Variants in DLC1 observed in about 807,000 individuals in gnomAD.
DLC1 encodes the protein DLC1 Rho GTPase activating protein.
A neutral mutation model predicts 140.3 loss-of-function variants in DLC1; 54 were observed. The observed-to-expected ratio is 0.38, with a 90% CI of 0.31 to 0.48. The LOEUF (loss-of-function observed/expected upper bound fraction) is 0.48, where lower values mean the gene tolerates loss of function less well. DLC1 is among the 20% of genes least tolerant of loss of function. The pLI is 0.96. For synonymous variants in DLC1, 986 were observed against 728.1 expected, an observed-to-expected ratio of 1.35 and a Z score of -5.70; for missense variants, 2,536 against 1,907.0, an observed-to-expected ratio of 1.33 and a Z score of -6.14.
intron 4 of DLC1, among the ~76,000 whole-genome samples, chr8:13,346,690 G>C (rs1416788510): frequency 6.6e-6 from 1 of 152,174 alleles, no homozygotes; most frequent in Non-Finnish European, 1.5e-5. Flanking sequence ...AAGTGACAGA[G>C]GGCTGGAGTG....
At chr8:13,545,838 G>C (rs13272591) in intron 1 of DLC1, among the ~76,000 whole-genome samples, 32,446 of 151,966 alleles carry the variant, frequency 0.21, 3,769 homozygotes, top group African/African-American at 0.24. Context: ...AGCAATTAAA[G>C]AATTTGGAAT....
intron 2 of DLC1, among the ~76,000 whole-genome samples, chr8:13,437,882 A>G (rs1389343628): frequency 1.3e-5 from 2 of 152,102 alleles, no homozygotes; most frequent in Non-Finnish European, 2.9e-5. Context: ...TTCTAAGCAG[A>G]GTTGTGGCTG....
At chr8:13,337,391 G>T (rs564844845) in intron 4 of DLC1, among the ~76,000 whole-genome samples, 1 of 152,190 alleles carries the variant, frequency 6.6e-6, no homozygotes, top group East Asian at 1.9e-4. Context: ...TTTACTAATT[G>T]CTACAAAAAA....
At chr8:13,183,751 C>T (rs1826176987) in intron 5 of DLC1, among the ~76,000 whole-genome samples, 1 of 152,132 alleles carries the variant, frequency 6.6e-6, no homozygotes. Context: ...CATCGATGTT[C>T]ATCAGGGATA....
intron 5 of DLC1, chr8:13,133,366 C>A: frequency 1.9e-6 from 2 of 1,035,134 alleles, no homozygotes; most frequent in Non-Finnish European, 2.4e-6. Context: ...CGGGCGGCAC[C>A]GCCTCCTCCC....
intron 4 of DLC1, among the ~76,000 whole-genome samples, chr8:13,348,316 C>G (rs983973867): frequency 6.6e-6 from 1 of 152,146 alleles, no homozygotes. Context: ...ATGGGGCAAG[C>G]GGTAAAAAAC....
At chr8:13,143,695 A>G (rs747067766) in intron 5 of DLC1, among the ~76,000 whole-genome samples, 1 of 151,470 alleles carries the variant, frequency 6.6e-6, no homozygotes, top group Non-Finnish European at 1.5e-5. Flanking sequence ...TCCAGGCCTG[A>G]GCCACCACAC....
intron 5 of DLC1, among the ~76,000 whole-genome samples, chr8:13,148,484 A>G (rs1460386704): frequency 6.6e-6 from 1 of 152,206 alleles, no homozygotes. Context: ...GTGGCTGCAT[A>G]GTATTCCATG....
rs113149778 is a variant in DLC1, at chr8:13,567,489, T to C, written c.-126+37048A>G. ...CTTCAGAGAGAGATGCCTTTAGTTG[T>C]ACTGTACCCGATGAACTTTTGAACA... On this transcript the variant is annotated intron_variant, in intron 1 of 1. Transcript: ENST00000631382. The C allele has an allele frequency of 5.7e-5, 88 of 1,552,066 alleles. 2 individuals carry two copies. Among genetic ancestry groups the C allele is most frequent in the Middle Eastern group, 5.0e-4 (3 of 5,994 alleles).
intron 5 of DLC1, among the ~76,000 whole-genome samples, chr8:13,188,827 G>GTGTATATATATATA: frequency 3.5e-5 from 1 of 28,648 alleles, no homozygotes; most frequent in Non-Finnish European, 7.3e-5. Context: ...ATATATATAT[G>GTGTATATATATATA]TATATATATA....
chr8:13,278,973 G>A (rs980259767), intron 5 of DLC1, among the ~76,000 whole-genome samples: 16 of 152,248 alleles, frequency 1.1e-4, no homozygotes, highest in East Asian at 3.9e-4. Context: ...ATTCATACTC[G>A]GAGCCGTCTG....
At chr8:13,408,600 G>T (rs1338083705) in intron 2 of DLC1, among the ~76,000 whole-genome samples, 4 of 152,146 alleles carry the variant, frequency 2.6e-5, no homozygotes, top group African/African-American at 9.7e-5. Context: ...GCCCATTTTG[G>T]GGACTGGGAT....
chr8:13,560,221 C>T (rs369051647), intron 1 of DLC1, among the ~76,000 whole-genome samples: 18 of 152,238 alleles, frequency 1.2e-4, no homozygotes, highest in African/African-American at 4.1e-4. Context: ...AGTAGGAAAT[C>T]ATTGCCTAAT....
intron 5 of DLC1, among the ~76,000 whole-genome samples, chr8:13,239,962 C>T (rs1829470150): frequency 6.6e-6 from 1 of 152,154 alleles, no homozygotes; most frequent in African/African-American, 2.4e-5. Context: ...CATTAGTGCA[C>T]CCTTCAGACC....
At chr8:13,602,579 G>A (rs755691907) in intron 1 of DLC1, among the ~76,000 whole-genome samples, 10 of 151,818 alleles carry the variant, frequency 6.6e-5, no homozygotes, top group Non-Finnish European at 1.5e-4. Flanking sequence ...GGCTGTATAT[G>A]AAACAAGAAT....
intron 2 of DLC1, among the ~76,000 whole-genome samples, chr8:13,488,842 A>G (rs1801097644): frequency 6.6e-6 from 1 of 152,250 alleles, no homozygotes; most frequent in Admixed American, 6.5e-5. Context: ...GAAGGCACAT[A>G]TATGCTTATT....
chr8:13,248,049 C>A (rs1232698184), intron 5 of DLC1, among the ~76,000 whole-genome samples: 1 of 152,226 alleles, frequency 6.6e-6, no homozygotes. Context: ...TTATTTGGAA[C>A]TGAAGCTCCA....
intron 2 of DLC1, among the ~76,000 whole-genome samples, chr8:13,422,875 T>C (rs1305603445): frequency 6.6e-6 from 1 of 151,728 alleles, no homozygotes; most frequent in East Asian, 1.9e-4. Flanking sequence ...TCTGATTGGG[T>C]GATATGGCCC....
Position 13,095,133 on chromosome 8 carries a change from T to A in DLC1, c.3280A>T (p.Ser1094Cys), listed in dbSNP as rs780099126. 6 of 1,614,156 alleles carry A rather than the reference T, an allele frequency of 3.7e-6. No individual in the cohort carries two copies. The highest frequency in any genetic ancestry group is 8.5e-7 in the Non-Finnish European group (1 of 1,180,062). ...VQRTGQPLPQ[S>C]IQQAMRYLRN... ...AGGTATCGCATGGCCTGCTGGATGC[T>A]CTGAGGCAACGGTTGTCCTGTGCGC... The change falls in exon 11 of 18, where the codon AGC becomes TGC. Residue 1094 changes from serine to cysteine, a missense_variant. Coordinates refer to ENST00000276297, the MANE Select transcript of DLC1 (RefSeq NM_182643.3).
Sources: allele counts gnomAD v4.1 joint callset (sites outside exome capture counted in the v4.1 genomes callset), GRCh38; gene constraint gnomAD v4.1.1; transcripts MANE v1.5; gene names NCBI Gene and HGNC (gene_info 2026-07-23, HGNC 2026-07-21).